The following ANGPT2 variants were observed in gnomAD, a reference collection of about 807,000 sequenced individuals.
ANGPT2 encodes angiopoietin 2, also known as angiopoietin-2.
ANGPT2 carries 28 observed loss-of-function variants against 62.9 expected under a neutral mutation model. The ratio of observed to expected loss-of-function variants is 0.44; its 90% CI spans 0.33 to 0.61. The LOEUF (loss-of-function observed/expected upper bound fraction) is 0.61. Among genes scored for constraint, ANGPT2 ranks in the 20% least tolerant of loss-of-function variants. The pLI, the probability that ANGPT2 is intolerant of heterozygous loss-of-function variation, is 0.03. For synonymous variants in ANGPT2, 284 were observed against 207.8 expected (o/e 1.37, Z -3.15); for missense variants, 727 against 594.9 (o/e 1.22, Z -2.31).
chr8:6,501,233 C>G lies in ANGPT2; in HGVS notation c.*1868G>C, dbSNP rs1435248821. 1 of 152,170 alleles carries G rather than the reference C, an allele frequency of 6.6e-6. No individual in the cohort carries two copies. Among genetic ancestry groups the G allele is most frequent in the Middle Eastern group, 3.4e-3 (1 of 294 alleles). The allele number at this position is 152,170 out of a possible 1,614,324, so 9.4% of individuals were successfully genotyped here. ...AAATATGTAGCAACACCTGTGTGTTCTAAAACTACGTCAAGTGGTGGGGAG... is the reference window on the plus strand; with the variant it reads ...AAATATGTAGCAACACCTGTGTGTTGTAAAACTACGTCAAGTGGTGGGGAG... On this transcript the variant is annotated 3_prime_UTR_variant, in exon 9 of 9. Transcript: ENST00000629816.
At chr8:6,505,761 T>C (rs1334853382) in intron 8 of ANGPT2, among the ~76,000 whole-genome samples, 1 of 134,020 alleles carries the variant, frequency 7.5e-6, no homozygotes, top group East Asian at 2.1e-4. Flanking sequence ...TACGTATATA[T>C]AGAATATATA....
intron 1 of ANGPT2, among the ~76,000 whole-genome samples, chr8:6,538,512 C>T (rs1049467697): frequency 1.1e-4 from 16 of 152,158 alleles, no homozygotes; most frequent in African/African-American, 2.4e-4. Flanking sequence ...TCCTGACTGG[C>T]GCCCCTGATC....
Position 6,563,034 on chromosome 8 carries a change from G to A in ANGPT2, c.-100C>T. On this transcript the variant is annotated 5_prime_UTR_variant, in exon 1 of 9. Coordinates refer to ENST00000629816, the MANE Select transcript of ANGPT2 (RefSeq NM_001118887.2). The stretch of plus-strand genomic sequence containing the variant: ...GTCTAAAACGCAGGGCTGCTACGCT[G>A]CCATGGCTGGGTCCGTCAATGAAAG... The A allele has an allele frequency of 7.5e-7, 1 of 1,327,702 alleles. No homozygotes were observed. Among genetic ancestry groups the A allele is most frequent in the Non-Finnish European group, 1.0e-6 (1 of 982,828 alleles). 82.2% of individuals were successfully genotyped at this position (1,327,702 alleles called of 1,614,324 possible). A position where few individuals can be genotyped will look rare whatever the true frequency, so the allele number is the denominator to read the frequency against.
chr8:6,520,855 T>G (rs1817195165), intron 4 of ANGPT2, among the ~76,000 whole-genome samples: 1 of 152,248 alleles, frequency 6.6e-6, no homozygotes, highest in African/African-American at 2.4e-5. Flanking sequence ...GATATTATTT[T>G]TCCCATGTAA....
Position 6,499,944 on chromosome 8 carries a change from G to T in ANGPT2, c.*3157C>A. On this transcript the variant is annotated 3_prime_UTR_variant, in exon 9 of 9. Transcript: ENST00000629816. ...CTGCAGCTCCCGTAAGTCAGATGTTGTTTTACGATGGTAAATGCAGTTTGC... is the reference window on the plus strand; with the variant it reads ...CTGCAGCTCCCGTAAGTCAGATGTTTTTTTACGATGGTAAATGCAGTTTGC... 6.2e-7 allele frequency: 1 copy of T among 1,607,288 alleles called. No homozygotes were observed. Among genetic ancestry groups the T allele is most frequent in the Non-Finnish European group, 8.5e-7 (1 of 1,174,140 alleles).
chr8:6,524,268 G>A (rs1340531375), intron 3 of ANGPT2, among the ~76,000 whole-genome samples: 1 of 152,112 alleles, frequency 6.6e-6, no homozygotes, highest in Non-Finnish European at 1.5e-5. Context: ...GCATCTTTAT[G>A]TTTCAGAATT....
At chr8:6,534,152 C>T (rs948968495) in intron 1 of ANGPT2, among the ~76,000 whole-genome samples, 1 of 151,996 alleles carries the variant, frequency 6.6e-6, no homozygotes, top group Admixed American at 6.6e-5. Context: ...CACAGTCAGC[C>T]CTCCATCTGT....
At chr8:6,551,543 T>A (rs1823654909) in intron 1 of ANGPT2, among the ~76,000 whole-genome samples, 1 of 152,208 alleles carries the variant, frequency 6.6e-6, no homozygotes, top group Admixed American at 6.5e-5. Flanking sequence ...GGGGCTGGTG[T>A]TCTGATTAGT....
intron 1 of ANGPT2, among the ~76,000 whole-genome samples, chr8:6,556,822 C>T (rs1824698888): frequency 6.6e-6 from 1 of 152,062 alleles, no homozygotes; most frequent in Non-Finnish European, 1.5e-5. Context: ...CTCCTGGCCT[C>T]AAAGTGTCTT....
chr8:6,542,587 C>G (rs1390705355), intron 1 of ANGPT2, among the ~76,000 whole-genome samples: 1 of 146,226 alleles, frequency 6.8e-6, no homozygotes, highest in Non-Finnish European at 1.5e-5. Flanking sequence ...ACTGATATGC[C>G]TATTCTTATC....
intron 1 of ANGPT2, among the ~76,000 whole-genome samples, chr8:6,541,718 G>A (rs1166371513): frequency 1.3e-5 from 2 of 152,124 alleles, no homozygotes; most frequent in Non-Finnish European, 2.9e-5. Flanking sequence ...TGTACTGAAT[G>A]TAGGGCCGGG....
chr8:6,527,778 A>G (rs1046895428), intron 2 of ANGPT2, 102 bp from the exon 3 acceptor site: 2 of 1,123,124 alleles, frequency 1.8e-6, no homozygotes, highest in Non-Finnish European at 2.5e-6. Flanking sequence ...AAACATAACA[A>G]AAACATTATT....
chr8:6,545,631 C>G (rs1346886665), intron 1 of ANGPT2, among the ~76,000 whole-genome samples: 2 of 152,166 alleles, frequency 1.3e-5, no homozygotes, highest in African/African-American at 4.8e-5. Context: ...CCGGATCAAG[C>G]ATAAAAGGCA....
rs564605408 is a variant in ANGPT2 at position 6,557,064 on chromosome 8, C to T, written c.288+5583G>A. 7.2e-5 allele frequency among the ~76,000 whole-genome samples: 11 copies of T among 152,314 alleles called. 1 individual carries two copies. Among genetic ancestry groups the T allele is most frequent in the Admixed American group, 3.3e-4 (5 of 15,304 alleles). ...GGCGGGGTCATATGGTGTTCACTCACTTACGCTAATGAACTGAGAAATAAC... is the reference window on the plus strand; with the variant it reads ...GGCGGGGTCATATGGTGTTCACTCATTTACGCTAATGAACTGAGAAATAAC... On this transcript the variant is annotated intron_variant, in intron 1 of 8. Coordinates refer to ENST00000629816, the MANE Select transcript of ANGPT2 (RefSeq NM_001118887.2).
At chr8:6,525,333 G>A (rs540193173) in intron 3 of ANGPT2, among the ~76,000 whole-genome samples, 7 of 152,278 alleles carry the variant, frequency 4.6e-5, no homozygotes, top group African/African-American at 1.4e-4. Context: ...AGGTTCAAGC[G>A]ATCCACCTGC....
chr8:6,529,497 G>T (rs899094304), intron 2 of ANGPT2, among the ~76,000 whole-genome samples: 9 of 150,562 alleles, frequency 6.0e-5, no homozygotes, highest in Non-Finnish European at 1.2e-4. Flanking sequence ...TGTTGCCCAG[G>T]CTGCAGTGCG....
At chr8:6,552,542 TTAAC>T (rs1249020528) in intron 1 of ANGPT2, among the ~76,000 whole-genome samples, 12 of 152,224 alleles carry the variant, frequency 7.9e-5, no homozygotes, top group Non-Finnish European at 1.3e-4. Flanking sequence ...ATTATAACCT[TTAAC>T]TAATGTGAGA....
intron 8 of ANGPT2, chr8:6,508,648 C>T (rs747146247): frequency 6.0e-5 from 35 of 583,206 alleles, no homozygotes; most frequent in South Asian, 1.4e-4. Context: ...CAAGCACAAA[C>T]GCAGGAGAGC....
At chr8:6,510,405 G>A (rs181425388) in intron 7 of ANGPT2, among the ~76,000 whole-genome samples, 4 of 152,276 alleles carry the variant, frequency 2.6e-5, no homozygotes, top group Admixed American at 2.6e-4. Flanking sequence ...GCCCTTCTTT[G>A]TAAAACCTGC....
Sources: allele counts gnomAD v4.1 joint callset (sites outside exome capture counted in the v4.1 genomes callset), GRCh38; gene constraint gnomAD v4.1.1; transcripts MANE v1.5; gene names NCBI Gene and HGNC (gene_info 2026-07-23, HGNC 2026-07-21).